Variants in CATSPER3 observed in about 807,000 individuals in gnomAD.
CATSPER3 encodes the protein cation channel sperm associated 3.
Under a neutral mutation model 36.6 loss-of-function variants are expected in CATSPER3, and 23 were observed. That is an observed-to-expected ratio of 0.63 (90% CI 0.45 to 0.89). The LOEUF is 0.89. Among genes scored for constraint, CATSPER3 ranks in the 40% least tolerant of loss-of-function variants. The probability of loss-of-function intolerance (pLI) is 0.00; values close to 1 mark genes in which losing one functional copy is unlikely to be tolerated. For synonymous variants in CATSPER3, 172 were observed against 184.1 expected, an observed-to-expected ratio of 0.93 and a Z score of 0.53; for missense variants, 474 against 503.9, an observed-to-expected ratio of 0.94 and a Z score of 0.57.
chr5:134,999,266 G>T (rs1279341217), intron 3 of CATSPER3, among the ~76,000 whole-genome samples: 4 of 152,092 alleles, frequency 2.6e-5, no homozygotes, highest in Admixed American at 6.6e-5. Flanking sequence ...TTGTTCCATT[G>T]GTCTATATCT....
chr5:135,010,668 G>T (rs755124982), intron 7 of CATSPER3, 138 bp downstream of exon 7: 3 of 793,876 alleles, frequency 3.8e-6, no homozygotes, highest in Non-Finnish European at 6.4e-6. Flanking sequence ...CTTTCTTGGG[G>T]TTACAGGATT....
At position 135,010,399 on chromosome 5, in the gene CATSPER3, T is replaced by C; in HGVS notation, c.963T>C (p.Ser321=). 1.2e-6 allele frequency: 2 copies of C among 1,613,096 alleles called. No individual in the cohort carries two copies. Among genetic ancestry groups the C allele is most frequent in the African/African-American group, 2.7e-5 (2 of 75,030 alleles). ...IQKNADCTSF[S]ELVENFKKTL... ...AAAATGCTGACTGCACAAGTTTCAG[T>C]GAGCTGGTGGAGAACTTTAAGAAGA... Residue 321 remains serine (S), a synonymous_variant, in exon 7 of 8, where the codon AGT becomes AGC. Transcript: ENST00000282611.
At chr5:135,009,035 TGTA>T in intron 5 of CATSPER3, 54 bp downstream of exon 5, 5 of 1,612,772 alleles carry the variant, frequency 3.1e-6, no homozygotes, top group Non-Finnish European at 4.2e-6. Context: ...CAGATGGAGC[TGTA>T]GGGCAAGTCT....
chr5:135,010,223 G>C, intron 6 of CATSPER3, 150 bp from the exon 7 acceptor site: 1 of 728,310 alleles, frequency 1.4e-6, no homozygotes, highest in East Asian at 2.6e-5. Flanking sequence ...TTCAGAAGGG[G>C]TCAGGATGAA....
intron 2 of CATSPER3, among the ~76,000 whole-genome samples, chr5:134,991,999 A>G (rs762204918): frequency 1.3e-5 from 2 of 151,764 alleles, no homozygotes; most frequent in African/African-American, 2.4e-5. Flanking sequence ...GCATGTGCCT[A>G]TGGTCCCAGC....
At chr5:134,974,695 G>A (rs536492180) in intron 2 of CATSPER3, among the ~76,000 whole-genome samples, 2 of 152,288 alleles carry the variant, frequency 1.3e-5, no homozygotes, top group Non-Finnish European at 2.9e-5. Context: ...TAAACATAAT[G>A]TGGTATCAGA....
At chr5:134,989,748 G>T (rs1442224272) in intron 2 of CATSPER3, among the ~76,000 whole-genome samples, 1 of 152,190 alleles carries the variant, frequency 6.6e-6, no homozygotes, top group Non-Finnish European at 1.5e-5. Flanking sequence ...TTCTTATCAT[G>T]TATGTGTTTA....
rs1367356038 is a variant in CATSPER3, at chr5:134,967,924, G to GAAAATCCCTAAGC, written c.-66_-54dup. 4.8e-6 allele frequency: 6 copies of GAAAATCCCTAAGC among 1,239,062 alleles called. No individual in the cohort carries two copies. The highest frequency in any genetic ancestry group is 7.1e-6 in the Non-Finnish European group (6 of 842,330). 76.8% of individuals were successfully genotyped at this position (1,239,062 alleles called of 1,614,324 possible). A position where few individuals can be genotyped will look rare whatever the true frequency, so the allele number is the denominator to read the frequency against. On this transcript the variant is annotated 5_prime_UTR_variant, in exon 1 of 8. Transcript: ENST00000282611. ...TGCCTCTCAGAATCCAGACGCTAAG[G>GAAAATCCCTAAGC]AAAATCCCTAAGCAGAGATTTTCTG...
chr5:135,010,302 G>T, intron 6 of CATSPER3, 71 bp from the exon 7 acceptor site: 2 of 1,359,112 alleles, frequency 1.5e-6, no homozygotes, highest in Non-Finnish European at 2.1e-6. Context: ...ATCCTGGAGA[G>T]TCTCCATGTC....
At chr5:134,968,229 T>A (rs1751558050) in intron 1 of CATSPER3, 140 bp downstream of exon 1, 2 of 693,686 alleles carry the variant, frequency 2.9e-6, no homozygotes, top group Non-Finnish European at 5.2e-6. Flanking sequence ...GACAATCTGG[T>A]TTCTATGATT....
intron 3 of CATSPER3, among the ~76,000 whole-genome samples, chr5:135,002,050 C>T (rs1752026681): frequency 6.6e-6 from 1 of 152,200 alleles, no homozygotes; most frequent in Admixed American, 6.5e-5. Context: ...GCAGTTTCTT[C>T]CTAGCCTTGA....
At chr5:134,972,472 A>G (rs1313882930) in intron 2 of CATSPER3, among the ~76,000 whole-genome samples, 2 of 152,182 alleles carry the variant, frequency 1.3e-5, no homozygotes, top group Non-Finnish European at 2.9e-5. Context: ...AAACTCAGGA[A>G]AGAACTAGAA....
intron 3 of CATSPER3, among the ~76,000 whole-genome samples, chr5:134,999,378 T>A (rs560393702): frequency 5.8e-4 from 88 of 152,260 alleles, no homozygotes; most frequent in Non-Finnish European, 9.7e-4. Flanking sequence ...CTTAGGATTG[T>A]CTTGGCAATG....
intron 2 of CATSPER3, among the ~76,000 whole-genome samples, chr5:134,987,944 A>T (rs1007563598): frequency 5.3e-5 from 8 of 152,214 alleles, no homozygotes; most frequent in Admixed American, 3.3e-4. Flanking sequence ...AGTTCTAGCC[A>T]GAGTCATCAG....
chr5:134,996,649 C>A, intron 3 of CATSPER3, 137 bp downstream of exon 3: 2 of 764,878 alleles, frequency 2.6e-6, no homozygotes, highest in Non-Finnish European at 4.3e-6. Context: ...TGATCTTTAC[C>A]AATATTATCT....
chr5:135,010,615 T>A, intron 7 of CATSPER3, 85 bp downstream of exon 7: 1 of 1,202,358 alleles, frequency 8.3e-7, no homozygotes, highest in South Asian at 1.2e-5. Context: ...GTGAAGGGGG[T>A]GATGACTGAA....
rs906601461 is a variant in CATSPER3, at chr5:135,010,502, C to A, written c.1066C>A (p.Leu356Met). ...CTTCATCGATATCTACTTTTCCACT[C>A]TGGACTACCAGGACACAACTGTCCA... ...LPFIDIYFST[L>M]DYQDTTVHKL... Residue 356 changes from leucine (L) to methionine (M), a missense_variant, in exon 7 of 8, where the codon CTG becomes ATG. Leu to Met is a conservative substitution (Grantham distance 15, BLOSUM62 2). Transcript: ENST00000282611. 2 of 1,614,166 alleles carry A rather than the reference C, an allele frequency of 1.2e-6. No homozygotes were observed. Among genetic ancestry groups the A allele is most frequent in the Non-Finnish European group, 1.7e-6 (2 of 1,179,972 alleles).
At chr5:134,988,339 A>G (rs1407806158) in intron 2 of CATSPER3, among the ~76,000 whole-genome samples, 1 of 152,056 alleles carries the variant, frequency 6.6e-6, no homozygotes, top group Non-Finnish European at 1.5e-5. Context: ...ATAAGACAAC[A>G]AGGAAGTTTG....
rs944967111 is a variant in CATSPER3, at chr5:134,993,738, G to A, written c.253-2535G>A. Among the ~76,000 whole-genome samples, 9 of 152,046 alleles carry A rather than the reference G, an allele frequency of 5.9e-5. No homozygotes were observed. The East Asian group carries it at 1.2e-3, about 19-fold the overall frequency. ...AATAAACATTATATATCCTTTAATG[G>A]CTATAAAGCATTGTCTTAGTTTAAA... On this transcript the variant is annotated intron_variant, in intron 2 of 7. Transcript: ENST00000282611.
Sources: gnomAD v4.1 joint callset for allele counts (sites outside exome capture counted in the v4.1 genomes callset) on GRCh38, gnomAD v4.1.1 for gene constraint, MANE v1.5 for transcripts, NCBI Gene and HGNC (gene_info 2026-07-23, HGNC 2026-07-21) for gene names.